The following IL1RAPL1 variants were observed in gnomAD, a reference collection of about 807,000 sequenced individuals.
The protein encoded by IL1RAPL1 is interleukin 1 receptor accessory protein like 1.
IL1RAPL1 carries 3 observed loss-of-function variants against 48.4 expected under a neutral mutation model. That is an observed-to-expected ratio of 0.06 (90% CI 0.03 to 0.16). The LOEUF (loss-of-function observed/expected upper bound fraction) is 0.16, where lower values mean the gene tolerates loss of function less well. Ranked by LOEUF, IL1RAPL1 falls within the 10% of genes least tolerant of loss-of-function variation. IL1RAPL1 has a pLI of 1.00. For synonymous variants in IL1RAPL1, 185 were observed against 187.7 expected, an observed-to-expected ratio of 0.99 and a Z score of 0.12; for missense variants, 349 against 530.6, an observed-to-expected ratio of 0.66 and a Z score of 3.36.
chrX:29,102,733 A>G (rs754185032), intron 2 of IL1RAPL1, among the ~76,000 whole-genome samples: 118 of 110,561 alleles, frequency 1.1e-3, no homozygotes, highest in African/African-American at 3.8e-3. Flanking sequence ...GGAAAACACT[A>G]ACGACTCCAC....
intron 6 of IL1RAPL1, among the ~76,000 whole-genome samples, chrX:29,769,709 C>T (rs1288186606): frequency 9.7e-6 from 1 of 102,904 alleles, no homozygotes; most frequent in East Asian, 3.0e-4. Flanking sequence ...CTGCACCTCC[C>T]GGGTTCAACC....
intron 2 of IL1RAPL1, among the ~76,000 whole-genome samples, chrX:29,072,894 C>T (rs943779029): frequency 2.2e-4 from 24 of 111,597 alleles, no homozygotes; most frequent in African/African-American, 7.2e-4. Flanking sequence ...CTGCAAAACC[C>T]GAGGAAGGCC....
At chrX:29,814,306 G>A (rs992034217) in intron 6 of IL1RAPL1, among the ~76,000 whole-genome samples, 28 of 111,301 alleles carry the variant, frequency 2.5e-4, no homozygotes, top group African/African-American at 8.2e-4. Flanking sequence ...ACCTCCTTGT[G>A]GTTTTGATTT....
At chrX:28,770,783 A>G (rs1936299501) in intron 1 of IL1RAPL1, among the ~76,000 whole-genome samples, 1 of 112,345 alleles carries the variant, frequency 8.9e-6, no homozygotes, top group South Asian at 3.7e-4. Flanking sequence ...AGTCGTTGAA[A>G]TACAGATTAT....
chrX:28,966,336 A>G lies in IL1RAPL1; in HGVS notation c.82+176911A>G, dbSNP rs747607083. On this transcript the variant is annotated intron_variant, in intron 2 of 10. Coordinates refer to ENST00000378993, the MANE Select transcript of IL1RAPL1 (RefSeq NM_014271.4). ...CTTCTTCCAATTAGCTGACAGATCA[A>G]GAATTCGAAAGATGAGAATGCCTTG... Among the ~76,000 whole-genome samples, 3 of 111,978 alleles carry G rather than the reference A, an allele frequency of 2.7e-5. No individual in the cohort carries two copies. In the East Asian group the frequency reaches 8.4e-4, roughly 31 times the overall value.
chrX:29,333,930 TC>T (rs1932929790), intron 3 of IL1RAPL1, among the ~76,000 whole-genome samples: 1 of 12,607 alleles, frequency 7.9e-5, no homozygotes, highest in Non-Finnish European at 1.6e-4. Context: ...GGGGGGCTGA[TC>T]CCCCCACCTC....
At chrX:29,690,608 T>G (rs758420826) in intron 6 of IL1RAPL1, among the ~76,000 whole-genome samples, 3 of 111,827 alleles carry the variant, frequency 2.7e-5, no homozygotes, top group Non-Finnish European at 5.7e-5. Context: ...TAAAAAAAAA[T>G]TTACTATATT....
intron 2 of IL1RAPL1, among the ~76,000 whole-genome samples, chrX:28,977,766 G>A (rs954808020): frequency 1.8e-5 from 2 of 112,269 alleles, no homozygotes; most frequent in Admixed American, 1.9e-4. Context: ...AGGCCAGCCT[G>A]GCCAACATGG....
chrX:29,810,871 A>G (rs906522930), intron 6 of IL1RAPL1, among the ~76,000 whole-genome samples: 17 of 112,075 alleles, frequency 1.5e-4, no homozygotes, highest in African/African-American at 4.9e-4. Context: ...ACAATTTTAC[A>G]TAGTCTTTTG....
chrX:29,399,541 C>T (rs1195006642), intron 5 of IL1RAPL1, among the ~76,000 whole-genome samples: 7 of 111,733 alleles, frequency 6.3e-5, no homozygotes. Flanking sequence ...AACTTTTGGG[C>T]CGGGCACCGT....
intron 2 of IL1RAPL1, among the ~76,000 whole-genome samples, chrX:29,044,267 C>T (rs1313200846): frequency 9.1e-6 from 1 of 109,858 alleles, no homozygotes; most frequent in Non-Finnish European, 1.9e-5. Context: ...CCCACCTCTA[C>T]TAAAAATACA....
chrX:28,783,842 A>G (rs1936447054), intron 1 of IL1RAPL1, among the ~76,000 whole-genome samples: 1 of 111,291 alleles, frequency 9.0e-6, no homozygotes. Context: ...TCCAGGCTGC[A>G]CTGAGCACTT....
In IL1RAPL1 at chrX:29,515,772, C is replaced by T. The variant is rs1413463352; in HGVS notation, c.703+116464C>T. Among the ~76,000 whole-genome samples, 4 of 111,332 alleles carry T rather than the reference C, an allele frequency of 3.6e-5. No individual in the cohort carries two copies. The Admixed American group carries it at 3.8e-4, about 11-fold the overall frequency. On this transcript the variant is annotated intron_variant, in intron 5 of 10. Transcript: ENST00000378993. ...GTGTGATTTGGCTCACTGCAACCTC[C>T]ACCCCCTGGATTCAAGCGATCCTCC... is the stretch of plus-strand genomic sequence containing the variant.
At chrX:29,098,331 C>T (rs1286882909) in intron 2 of IL1RAPL1, among the ~76,000 whole-genome samples, 1 of 111,289 alleles carries the variant, frequency 9.0e-6, no homozygotes, top group Non-Finnish European at 1.9e-5. Flanking sequence ...CATTGCATCC[C>T]CTGAATTGTT....
intron 2 of IL1RAPL1, among the ~76,000 whole-genome samples, chrX:29,194,943 T>A (rs1040985634): frequency 9.0e-6 from 1 of 111,185 alleles, no homozygotes; most frequent in Non-Finnish European, 1.9e-5. Flanking sequence ...GTCACCTCAG[T>A]TTATAGGTGA....
chrX:29,470,750 C>T (rs1449270752), intron 5 of IL1RAPL1, among the ~76,000 whole-genome samples: 3 of 110,877 alleles, frequency 2.7e-5, no homozygotes, highest in Non-Finnish European at 5.7e-5. Flanking sequence ...CCTCCTGCCC[C>T]AGCCTCCAGA....
At chrX:29,248,046 G>T (rs1039616707) in intron 2 of IL1RAPL1, among the ~76,000 whole-genome samples, 3 of 111,817 alleles carry the variant, frequency 2.7e-5, no homozygotes, top group African/African-American at 9.7e-5. Context: ...CTATGGTGGA[G>T]TCTGAAGAAG....
chrX:28,593,903 A>G (rs1458721456), intron 1 of IL1RAPL1, among the ~76,000 whole-genome samples: 2 of 111,178 alleles, frequency 1.8e-5, no homozygotes, highest in Non-Finnish European at 3.8e-5. Flanking sequence ...ATTCACTGGA[A>G]GTCCACTTAG....
intron 2 of IL1RAPL1, among the ~76,000 whole-genome samples, chrX:28,842,029 T>C (rs567866801): frequency 3.6e-5 from 4 of 110,879 alleles, no homozygotes; most frequent in South Asian, 3.8e-4. Context: ...ACATGATGAA[T>C]TGATTTCTTA....
Sources: gnomAD v4.1 joint callset for allele counts (sites outside exome capture counted in the v4.1 genomes callset) on GRCh38, gnomAD v4.1.1 for gene constraint, MANE v1.5 for transcripts, NCBI Gene and HGNC (gene_info 2026-07-23, HGNC 2026-07-21) for gene names.